IDS: variants seen among roughly 807,000 people sequenced by gnomAD.
IDS encodes alpha-L-iduronate sulfate sulfatase.
A neutral mutation model predicts 33.5 loss-of-function variants in IDS; 1 was observed. The observed-to-expected ratio is 0.03, with a 90% confidence interval of 0.01 to 0.14. The LOEUF (loss-of-function observed/expected upper bound fraction) is 0.14, where lower values mean the gene tolerates loss of function less well. IDS is among the 10% of genes least tolerant of loss of function. The probability of loss-of-function intolerance (pLI) is 1.00; values close to 1 mark genes in which losing one functional copy is unlikely to be tolerated. For synonymous variants in IDS, 191 were observed against 184.4 expected, an observed-to-expected ratio of 1.04 and a Z score of -0.29; for missense variants, 328 against 448.0, an observed-to-expected ratio of 0.73 and a Z score of 2.42.
rs781936227 is a variant in IDS, at chrX:149,479,991, C to T, written c.*2755G>A. 8.4e-4 allele frequency: 225 copies of T among 268,584 alleles called. No individual in the cohort carries two copies. The highest frequency in any genetic ancestry group is 6.0e-3 in the Middle Eastern group (6 of 1,000). The allele number at this position is 268,584 out of a possible 1,213,427, so 22.1% of individuals were successfully genotyped here. On this transcript the variant is annotated 3_prime_UTR_variant, in exon 9 of 9. Transcript: ENST00000340855. ...TCAGCCTCCTTCGGGAGGGGGGGAG[C>T]TTGGTAGTGAAAAATGGTCATGAAT... is the stretch of plus-strand genomic sequence containing the variant.
intron 2 of IDS, among the ~76,000 whole-genome samples, chrX:149,503,899 G>A (rs1557340358): frequency 9.0e-6 from 1 of 111,410 alleles, no homozygotes; most frequent in Non-Finnish European, 1.9e-5. Flanking sequence ...CCCGTTCTGG[G>A]AGAAAGCTGG....
In IDS at chrX:149,477,002, T is replaced by G. The variant is rs976915377; in HGVS notation, c.*5744A>C. The G allele has an allele frequency of 3.5e-4, 39 of 112,682 alleles. No homozygotes were observed. Among genetic ancestry groups the G allele is most frequent in the African/African-American group, 1.2e-3 (38 of 31,038 alleles). The allele number at this position is 112,682 out of a possible 1,213,427, so 9.3% of individuals were successfully genotyped here. A position where few individuals can be genotyped will look rare whatever the true frequency, so the allele number is the denominator to read the frequency against. Reference sequence around the variant, plus strand: ...ACACACGATAATGGCAAATTTAATGTGATTTATTCATATAATAACTCATGC... The same window carrying G: ...ACACACGATAATGGCAAATTTAATGGGATTTATTCATATAATAACTCATGC... On this transcript the variant is annotated 3_prime_UTR_variant, in exon 9 of 9. Transcript: ENST00000340855.
Position 149,481,883 on chromosome X carries a change from A to C in IDS, c.*863T>G, listed in dbSNP as rs1252356505. On this transcript the variant is annotated 3_prime_UTR_variant, in exon 9 of 9. Coordinates refer to ENST00000340855, the MANE Select transcript of IDS (RefSeq NM_000202.8). ...CCAACCATCCCTAAAGAAGGATACT[A>C]ATATATTTTGAGTGATTCAATCCAC... is the stretch of plus-strand genomic sequence containing the variant. 1 of 112,623 alleles carries C rather than the reference A, an allele frequency of 8.9e-6. No homozygotes were observed. Among genetic ancestry groups the C allele is most frequent in the Non-Finnish European group, 1.9e-5 (1 of 53,314 alleles). The allele number at this position is 112,623 out of a possible 1,213,427, so 9.3% of individuals were successfully genotyped here.
In IDS at chrX:149,504,279, G is replaced by A; in HGVS notation, c.118C>T (p.Leu40Phe). Residue 40 changes from leucine (L) to phenylalanine (F), a missense_variant, in exon 2 of 9, where the codon CTT (leucine) becomes TTT (phenylalanine). Around this residue, in one of 4 missense-constraint regions of IDS, gnomAD observed 45 missense variants for 33.6 expected, o/e 1.34. Transcript: ENST00000340855. ...ANSTTDALNV[L>F]LIIVDDLRPS... ...CGCAGGTCATCCACGATGATGAGAA[G>A]AACGTTCAGAGCATCTACACAGGAG... 1.7e-6 allele frequency: 2 copies of A among 1,207,332 alleles called. No homozygotes were observed. The highest frequency in any genetic ancestry group is 2.2e-6 in the Non-Finnish European group (2 of 892,915).
chrX:149,491,736 G>GC, intron 6 of IDS: 1 of 824,896 alleles, frequency 1.2e-6, no homozygotes, highest in Non-Finnish European at 1.6e-6. Context: ...TCCTATGCTA[G>GC]CCCCTGGACG....
At chrX:149,500,320 C>T (rs782744639) in intron 4 of IDS, among the ~76,000 whole-genome samples, 1 of 111,812 alleles carries the variant, frequency 8.9e-6, no homozygotes, top group African/African-American at 3.3e-5. Flanking sequence ...ACAATACCTT[C>T]CACCTCACTT....
In IDS at chrX:149,481,389, A is replaced by G. The variant is rs2089295576; in HGVS notation, c.*1357T>C. ...ATCTGTCTAAAATTTACTGATTTTAATATAATATCTTGTCATTTTTGGCAA... is the reference window on the plus strand; with the variant it reads ...ATCTGTCTAAAATTTACTGATTTTAGTATAATATCTTGTCATTTTTGGCAA... On this transcript the variant is annotated 3_prime_UTR_variant, in exon 9 of 9. Coordinates refer to ENST00000340855, the MANE Select transcript of IDS (RefSeq NM_000202.8). 1 of 112,779 alleles carries G rather than the reference A, an allele frequency of 8.9e-6. No individual in the cohort carries two copies. Among genetic ancestry groups the G allele is most frequent in the Non-Finnish European group, 1.9e-5 (1 of 53,389 alleles). The allele number at this position is 112,779 out of a possible 1,213,427, so 9.3% of individuals were successfully genotyped here. A position where few individuals can be genotyped will look rare whatever the true frequency, so the allele number is the denominator to read the frequency against.
chrX:149,483,151 C>A lies in IDS; in HGVS notation c.1248G>T (p.Leu416=), dbSNP rs1306764023. The change falls in exon 9 of 9, where the codon CTG becomes CTT. Residue 416 remains leucine (L), a synonymous_variant. Transcript: ENST00000340855. ...LFPTLAGLAG[L]QVPPRCPVPS... is the part of the protein sequence containing the mutation. The stretch of plus-strand genomic sequence containing the variant: ...GAACGGGGCAGCGAGGTGGAACCTG[C>A]AGTCCTGCAAGTCCAGCCAGCGTGG... The A allele has an allele frequency of 8.3e-7, 1 of 1,209,073 alleles. No individual in the cohort carries two copies.
chrX:149,477,736 C>CAGT lies in IDS; in HGVS notation c.*5007_*5009dup, dbSNP rs1479516232. On this transcript the variant is annotated 3_prime_UTR_variant, in exon 9 of 9. Transcript: ENST00000340855. ...GGACAGGGACACCAACGGGAGCTTT[C>CAGT]AGTAACATGTGGAAAGGCAAGACCC... 14 of 112,810 alleles carry CAGT rather than the reference C, an allele frequency of 1.2e-4. No individual in the cohort carries two copies. Among genetic ancestry groups the CAGT allele is most frequent in the African/African-American group, 3.9e-4 (12 of 31,020 alleles). The allele number at this position is 112,810 out of a possible 1,213,427, so 9.3% of individuals were successfully genotyped here.
At chrX:149,489,173 T>A (rs2089368126) in intron 7 of IDS, among the ~76,000 whole-genome samples, 1 of 112,154 alleles carries the variant, frequency 8.9e-6, no homozygotes, top group Non-Finnish European at 1.9e-5. Context: ...TGGCAGATAA[T>A]CAGGAATATG....
chrX:149,490,596 C>T (rs782519345), intron 6 of IDS, among the ~76,000 whole-genome samples, 156 bp from the exon 7 acceptor site: 1 of 112,608 alleles, frequency 8.9e-6, no homozygotes. Context: ...CCTTTCCCTA[C>T]CATCAGCATC....
intron 8 of IDS, 96 bp downstream of exon 8, chrX:149,486,829 G>T: frequency 1.0e-6 from 1 of 958,007 alleles, no homozygotes; most frequent in Non-Finnish European, 1.5e-6. Context: ...GGGGGGGTCT[G>T]TGTAACCCCC....
At chrX:149,502,118 T>C (rs1557340053) in intron 3 of IDS, 3 of 330,599 alleles carry the variant, frequency 9.1e-6, no homozygotes, top group Admixed American at 6.2e-5. Context: ...GCAGGCCCAA[T>C]GCTAACAGAA....
At chrX:149,487,721 T>A (rs1295297010) in intron 7 of IDS, among the ~76,000 whole-genome samples, 1 of 111,706 alleles carries the variant, frequency 9.0e-6, no homozygotes, top group Non-Finnish European at 1.9e-5. Flanking sequence ...ATTTAAAACA[T>A]CCCTTGCAAA....
chrX:149,486,848 T>C, intron 8 of IDS, 77 bp downstream of exon 8: 3 of 1,065,419 alleles, frequency 2.8e-6, no homozygotes, highest in South Asian at 1.9e-5. Context: ...CCAAAGCCTA[T>C]GATTCAATAA....
intron 6 of IDS, among the ~76,000 whole-genome samples, chrX:149,494,381 A>G (rs1557339076): frequency 8.9e-6 from 1 of 111,986 alleles, no homozygotes; most frequent in African/African-American, 3.3e-5. Context: ...GGGAAGTGCT[A>G]GGAGAAGAGG....
intron 4 of IDS, 34 bp downstream of exon 4, chrX:149,500,915 T>A (rs782249426): frequency 5.4e-6 from 5 of 922,278 alleles, no homozygotes; most frequent in Non-Finnish European, 7.9e-6. Context: ...GAAAAAGTGG[T>A]TCCTCTTCAG....
chrX:149,483,967 G>A (rs1275455861), intron 8 of IDS, among the ~76,000 whole-genome samples: 1 of 112,744 alleles, frequency 8.9e-6, no homozygotes, highest in Non-Finnish European at 1.9e-5. Flanking sequence ...GCTCATCCAT[G>A]ATGTAGCATG....
intron 4 of IDS, chrX:149,499,146 G>C (rs1480110628): frequency 9.0e-6 from 1 of 110,747 alleles, no homozygotes; most frequent in Non-Finnish European, 1.9e-5. Context: ...CTGAGGTAAG[G>C]AGTTCGAGAC....
Sources: gnomAD v4.1 joint callset for allele counts (sites outside exome capture counted in the v4.1 genomes callset) on GRCh38, gnomAD v4.1.1 for gene constraint, gnomAD v4.1.1 regional missense constraint, MANE v1.5 for transcripts, NCBI Gene and HGNC (gene_info 2026-07-23, HGNC 2026-07-21) for gene names.